PIP: variants seen among roughly 807,000 people sequenced by gnomAD.
PIP encodes prolactin induced protein.
Under a neutral mutation model 12.8 loss-of-function variants are expected in PIP, and 9 were observed. The observed-to-expected ratio is 0.70, with a 90% CI of 0.42 to 1.23. PIP has a LOEUF of 1.23. Ranked by LOEUF, PIP falls within the 50% of genes most tolerant of loss-of-function variation. The pLI is 0.00. For missense variants in PIP, 172 were observed against 179.5 expected (o/e 0.96, Z 0.24); for synonymous variants, 60 against 66.1 (o/e 0.91, Z 0.45).
Position 143,135,288 on chromosome 7 carries a change from G to T in PIP, c.190G>T (p.Glu64Ter). Reference protein sequence around the residue: ...AVLAVQTELKECMVVKTYLIS... With the variant: ...AVLAVQTELK The stretch of plus-strand genomic sequence containing the variant: ...GCTTGCAGTTCAAACAGAATTGAAA[G>T]AATGCATGGTGGTAAGTAGAGGACT... Residue 64 changes from glutamate (E) to a stop codon, truncating the protein, a stop_gained, in exon 2 of 4, where the codon GAA (glutamate) becomes TAA (stop). Coordinates refer to ENST00000291009, the MANE Select transcript of PIP (RefSeq NM_002652.3). LOFTEE classifies it high-confidence loss of function. The T allele has an allele frequency of 6.4e-7, 1 of 1,555,002 alleles. No individual in the cohort carries two copies. Among genetic ancestry groups the T allele is most frequent in the Non-Finnish European group, 8.9e-7 (1 of 1,126,074 alleles).
chr7:143,137,958 G>A (rs2116571814), intron 2 of PIP, among the ~76,000 whole-genome samples: 1 of 151,942 alleles, frequency 6.6e-6, no homozygotes, highest in South Asian at 2.1e-4. Context: ...AGAAACGCCA[G>A]GATTCTCCAA....
rs527505760 is a variant in PIP at position 143,139,052 on chromosome 7, C to T, written c.202-23C>T. On this transcript the variant is annotated intron_variant, in intron 2 of 3. Coordinates refer to ENST00000291009, the MANE Select transcript of PIP (RefSeq NM_002652.3). ...ATTCCCCAAAATAACAATGAATTCC[C>T]CCTCCCACCTTCTCCTCACCAGGTT... The T allele has an allele frequency of 5.3e-6, 6 of 1,131,232 alleles. No homozygotes were observed. The African/African-American group carries it at 6.1e-5, about 11-fold the overall frequency. 70.1% of individuals were successfully genotyped at this position (1,131,232 alleles called of 1,614,324 possible). A position where few individuals can be genotyped will look rare whatever the true frequency, so the allele number is the denominator to read the frequency against.
chr7:143,134,952 T>C (rs1318457436), intron 1 of PIP, among the ~76,000 whole-genome samples: 1 of 152,114 alleles, frequency 6.6e-6, no homozygotes, highest in African/African-American at 2.4e-5. Flanking sequence ...GTTCTACTTT[T>C]AGTTCTTTAA....
At chr7:143,136,143 C>T (rs1799307753) in intron 2 of PIP, among the ~76,000 whole-genome samples, 1 of 151,958 alleles carries the variant, frequency 6.6e-6, no homozygotes, top group Non-Finnish European at 1.5e-5. Context: ...AGTGACTCTT[C>T]CCTGGGACAC....
intron 1 of PIP, among the ~76,000 whole-genome samples, chr7:143,134,184 A>G (rs1192613648): frequency 1.4e-3 from 1 of 708 alleles, no homozygotes; most frequent in Non-Finnish European, 4.5e-3. Context: ...GTATTCCATC[A>G]TATATATATA....
intron 2 of PIP, among the ~76,000 whole-genome samples, chr7:143,138,826 CA>C (rs1799335671): frequency 6.6e-6 from 1 of 152,186 alleles, no homozygotes; most frequent in African/African-American, 2.4e-5. Context: ...CCTGTGGATT[CA>C]CTTGCATCCC....
rs1490067803 is a variant in PIP at position 143,135,233 on chromosome 7, A to C, written c.135A>C (p.Ser45=). The change falls in exon 2 of 4, where the codon TCA becomes TCC. Residue 45 remains serine, a synonymous_variant. Coordinates refer to ENST00000291009, the MANE Select transcript of PIP (RefSeq NM_002652.3). ...TAAAGAATTTTGACATTCCCAAGTC[A>C]GTACGTCCAAATGACGAAGTCACTG... The part of the protein sequence containing the change: ...IIIKNFDIPK[S]VRPNDEVTAV... 6.3e-7 allele frequency: 1 copy of C among 1,599,956 alleles called. No individual in the cohort carries two copies. The highest frequency in any genetic ancestry group is 1.7e-5 in the Admixed American group (1 of 59,978).
intron 2 of PIP, among the ~76,000 whole-genome samples, chr7:143,138,372 G>A (rs1238503747): frequency 1.3e-5 from 2 of 152,014 alleles, no homozygotes; most frequent in African/African-American, 4.8e-5. Flanking sequence ...ATCCCTCTGG[G>A]TCTATGGACC....
chr7:143,137,225 A>G (rs901875383), intron 2 of PIP, among the ~76,000 whole-genome samples: 4 of 152,106 alleles, frequency 2.6e-5, no homozygotes, highest in African/African-American at 7.2e-5. Context: ...CGTTGGTTTC[A>G]TGAAGTTTAT....
At chr7:143,134,233 T>TATATATATATAAAA (rs1277832613) in intron 1 of PIP, among the ~76,000 whole-genome samples, 6 of 86,384 alleles carry the variant, frequency 6.9e-5, no homozygotes, top group African/African-American at 2.8e-4. Context: ...TATATATATA[T>TATATATATATAAAA]ACCACAGTTT....
intron 2 of PIP, among the ~76,000 whole-genome samples, chr7:143,136,300 C>A (rs1447656489): frequency 6.6e-6 from 1 of 152,080 alleles, no homozygotes; most frequent in South Asian, 2.1e-4. Flanking sequence ...CACCTTCTAT[C>A]AGGCAGCACA....
In PIP at chr7:143,138,182, AATG is replaced by A. The variant is rs1401217962; in HGVS notation, c.202-890_202-888del. Reference sequence around the variant, plus strand: ...GTATTTCGGACCTCTGGATCCGTGCAATGATATGTACATATCTACTTTTCTCCT... The same window carrying A: ...GTATTTCGGACCTCTGGATCCGTGCAATATGTACATATCTACTTTTCTCCT... On this transcript the variant is annotated intron_variant, in intron 2 of 3. Transcript: ENST00000291009. Among the ~76,000 whole-genome samples the A allele has an allele frequency of 1.3e-5, 2 of 152,154 alleles. 1 individual carries two copies. Among genetic ancestry groups the A allele is most frequent in the Non-Finnish European group, 2.9e-5 (2 of 67,996 alleles).
chr7:143,134,183 CATATATATAT>C (rs60656573), intron 1 of PIP, among the ~76,000 whole-genome samples: 1,344 of 41,562 alleles, frequency 0.032, 29 homozygotes, highest in African/African-American at 0.035. Flanking sequence ...AGTATTCCAT[CATATATATAT>C]ATATATATAT....
chr7:143,139,020 C>G, intron 2 of PIP, 55 bp from the exon 3 acceptor site: 2 of 930,350 alleles, frequency 2.1e-6, no homozygotes, highest in Non-Finnish European at 3.6e-6. Context: ...TTTTCCCTCC[C>G]TTACCCATTC....
chr7:143,135,229 A>C lies in PIP; in HGVS notation c.131A>C (p.Lys44Thr). 6.3e-7 allele frequency: 1 copy of C among 1,598,476 alleles called. No homozygotes were observed. The highest frequency in any genetic ancestry group is 1.1e-5 in the South Asian group (1 of 90,774). Residue 44 changes from lysine (K) to threonine (T), a missense_variant, in exon 2 of 4, where the codon AAG becomes ACG. By Grantham distance (78) the Lys-to-Thr change is moderately conservative. Transcript: ENST00000291009. ...KIIIKNFDIP[K>T]SVRPNDEVTA... ...ATAATAAAGAATTTTGACATTCCCA[A>C]GTCAGTACGTCCAAATGACGAAGTC...
At chr7:143,138,408 G>C (rs954836007) in intron 2 of PIP, among the ~76,000 whole-genome samples, 1 of 152,026 alleles carries the variant, frequency 6.6e-6, no homozygotes, top group African/African-American at 2.4e-5. Context: ...TGTGTTAAAC[G>C]TTAACTGGAC....
intron 3 of PIP, 24 bp from the exon 4 acceptor site, chr7:143,139,494 G>T (rs1414264873): frequency 6.2e-7 from 1 of 1,612,036 alleles, no homozygotes; most frequent in Non-Finnish European, 8.5e-7. Flanking sequence ...TCTGAGAGAT[G>T]ATCTCCGTCC....
rs558843322 is a variant in PIP, at chr7:143,139,314, G to C, written c.316+125G>C. ...CTCAGGGCAGAAGGACAGAAGGGAGGGAGGGAAGAGCATGGGGAGAGCAGA... is the reference window on the plus strand; with the variant it reads ...CTCAGGGCAGAAGGACAGAAGGGAGCGAGGGAAGAGCATGGGGAGAGCAGA... On this transcript the variant is annotated intron_variant, in intron 3 of 3. Transcript: ENST00000291009. 2.6e-4 allele frequency: 217 copies of C among 825,642 alleles called. No homozygotes were observed. In the East Asian group the frequency reaches 4.8e-3, roughly 18 times the overall value. The allele number at this position is 825,642 out of a possible 1,614,324, so 51.1% of individuals were successfully genotyped here.
Position 143,135,258 on chromosome 7 carries a change from GCAGTGC to G in PIP, c.161_166del (p.Ala54_Leu56delinsVal). 1 of 1,599,874 alleles carries G rather than the reference GCAGTGC, an allele frequency of 6.3e-7. No individual in the cohort carries two copies. Among genetic ancestry groups the G allele is most frequent in the Non-Finnish European group, 8.6e-7 (1 of 1,167,062 alleles). On this transcript the variant is annotated inframe_deletion, in exon 2 of 4. Coordinates refer to ENST00000291009, the MANE Select transcript of PIP (RefSeq NM_002652.3). Reference sequence around the variant, plus strand: ...AGTACGTCCAAATGACGAAGTCACTGCAGTGCTTGCAGTTCAAACAGAATTGAAAGA... The same window carrying G: ...AGTACGTCCAAATGACGAAGTCACTGTTGCAGTTCAAACAGAATTGAAAGA...
Sources: allele counts gnomAD v4.1 joint callset (sites outside exome capture counted in the v4.1 genomes callset), GRCh38; gene constraint gnomAD v4.1.1; transcripts MANE v1.5; gene names NCBI Gene and HGNC (gene_info 2026-07-23, HGNC 2026-07-21).